Variants in OR10A4 observed in about 807,000 individuals in gnomAD.
OR10A4 encodes the protein olfactory receptor 10A4.
In OR10A4, 18 loss-of-function variants were observed where a neutral mutation model predicts 15.4. The observed-to-expected ratio is 1.17, with a 90% confidence interval of 0.81 to 1.74. The LOEUF is 1.74. OR10A4 is among the 40% of genes most tolerant of loss of function. The pLI is 0.00. For missense variants in OR10A4, 455 were observed against 372.3 expected (o/e 1.22, Z -1.83); for synonymous variants, 161 against 149.5 (o/e 1.08, Z -0.56).
Position 6,877,267 on chromosome 11 carries a change from T to C in OR10A4, c.620T>C (p.Phe207Ser), listed in dbSNP as rs892978786. 1 of 1,614,200 alleles carries C rather than the reference T, an allele frequency of 6.2e-7. No homozygotes were observed. Among genetic ancestry groups the C allele is most frequent in the Non-Finnish European group, 8.5e-7 (1 of 1,180,042 alleles). ...ELEALTATVL[F>S]ILFPFLLILG... ...GAGGCTCTGACAGCCACTGTCCTAT[T>C]CATTCTCTTTCCTTTCTTGCTGATC... Residue 207 changes from phenylalanine (F) to serine (S), a missense_variant, in exon 1 of 1, where the codon TTC (phenylalanine) becomes TCC (serine). Physicochemically the swap from Phe to Ser is radical, Grantham distance 155 (BLOSUM62 -2). Coordinates refer to ENST00000379829, the MANE Select transcript of OR10A4 (RefSeq NM_207186.2).
In OR10A4 at chr11:6,876,923, C is replaced by A. The variant is rs1848492053; in HGVS notation, c.276C>A (p.Thr92=). Residue 92 remains threonine, a synonymous_variant, in exon 1 of 1, where the codon ACC becomes ACA. Transcript: ENST00000379829. The stretch of plus-strand genomic sequence containing the variant: ...GGACCCTGATCATTCAAGACACAAC[C>A]ATCTCCTTCCTTGGATGTGCCACTC... ...MLGTLIIQDT[T]ISFLGCATQM... 6.2e-7 allele frequency: 1 copy of A among 1,614,086 alleles called. No homozygotes were observed. Among genetic ancestry groups the A allele is most frequent in the African/African-American group, 1.3e-5 (1 of 74,924 alleles).
rs79248635 is a variant in OR10A4, at chr11:6,877,134, T to G, written c.487T>G (p.Trp163Gly). The change falls in exon 1 of 1, where the codon TGG becomes GGG. Residue 163 changes from tryptophan (W) to glycine (G), a missense_variant. Trp to Gly is a radical substitution (Grantham distance 184). Transcript: ENST00000379829. ...GFSVATVQTTWIFSFPFCGPN... is the reference protein window; with the variant it reads ...GFSVATVQTTGIFSFPFCGPN... ...TTCAGTGGCCACTGTGCAAACCACA[T>G]GGATTTTCAGTTTCCCTTTTTGTGG... 3.1e-6 allele frequency: 5 copies of G among 1,614,090 alleles called. No homozygotes were observed. In the African/African-American group the frequency reaches 6.7e-5, roughly 22 times the overall value.
rs772973039 is a variant in OR10A4, at chr11:6,877,557, CG to C, written c.912del (p.Ile306SerfsTer?). On this transcript the variant is annotated frameshift_variant, in exon 1 of 1. Coordinates refer to ENST00000379829, the MANE Select transcript of OR10A4 (RefSeq NM_207186.2). LOFTEE classifies it high-confidence loss of function. ...TAAAGAAGTGAAGGCTGCACTGAAG[CG>C]GCTTATCCACAGGACCCTGGGCTCT... ...RNKEVKAALK[R>X]LIHRTLGSQK... 1.5e-5 allele frequency: 25 copies of C among 1,613,896 alleles called. No homozygotes were observed. Among genetic ancestry groups the C allele is most frequent in the Non-Finnish European group, 1.9e-5 (23 of 1,179,874 alleles).
Position 6,876,918 on chromosome 11 carries a change from A to C in OR10A4, c.271A>C (p.Thr91Pro). 6.2e-7 allele frequency: 1 copy of C among 1,614,216 alleles called. No individual in the cohort carries two copies. Among genetic ancestry groups the C allele is most frequent in the Non-Finnish European group, 8.5e-7 (1 of 1,180,042 alleles). Residue 91 changes from threonine (T) to proline (P), a missense_variant, in exon 1 of 1, where the codon ACA becomes CCA. Physicochemically the swap from Thr to Pro is conservative, Grantham distance 38 (BLOSUM62 -1). Transcript: ENST00000379829. ...GCTGGGGACCCTGATCATTCAAGAC[A>C]CAACCATCTCCTTCCTTGGATGTGC... Reference protein sequence around the residue: ...KMLGTLIIQDTTISFLGCATQ... With the variant: ...KMLGTLIIQDPTISFLGCATQ...
At position 6,877,364 on chromosome 11, in the gene OR10A4, C is replaced by A. The variant is rs1325535714; in HGVS notation, c.717C>A (p.Phe239Leu). The A allele has an allele frequency of 6.2e-7, 1 of 1,614,158 alleles. No homozygotes were observed. The highest frequency in any genetic ancestry group is 1.1e-5 in the South Asian group (1 of 91,080). ...MPSAEGKHQA[F>L]STCSAHLLVV... The stretch of plus-strand genomic sequence containing the variant: ...CAGCTGAGGGGAAACATCAGGCATT[C>A]TCCACCTGTTCCGCCCACCTCTTGG... The change falls in exon 1 of 1, where the codon TTC becomes TTA. Residue 239 changes from phenylalanine (F) to leucine (L), a missense_variant. Coordinates refer to ENST00000379829, the MANE Select transcript of OR10A4 (RefSeq NM_207186.2).
Position 6,877,607 on chromosome 11 carries a change from G to A in OR10A4, c.*12G>A, listed in dbSNP as rs1392840662. 5 of 1,540,034 alleles carry A rather than the reference G, an allele frequency of 3.2e-6. No homozygotes were observed. The African/African-American group carries it at 4.1e-5, about 13-fold the overall frequency. ...CTCAGAAACTATGATTGGCTTAGATGGAAACTGAAGGGGTAAAATGTAAGT... is the reference window on the plus strand; with the variant it reads ...CTCAGAAACTATGATTGGCTTAGATAGAAACTGAAGGGGTAAAATGTAAGT... On this transcript the variant is annotated 3_prime_UTR_variant, in exon 1 of 1. Transcript: ENST00000379829.
In OR10A4 at chr11:6,877,417, T is replaced by C. The variant is rs1440394664; in HGVS notation, c.770T>C (p.Ile257Thr). The stretch of plus-strand genomic sequence containing the variant: ...GTCTCTCTCTTCTATAGCACTGCCA[T>C]CCTCACGTATTTCCGACCCCAATCC... The part of the protein sequence containing the change: ...LVVSLFYSTA[I>T]LTYFRPQSSA... Residue 257 changes from isoleucine to threonine, a missense_variant, in exon 1 of 1, where the codon ATC (isoleucine) becomes ACC (threonine). Ile to Thr is a moderately conservative substitution (Grantham distance 89, BLOSUM62 -1). Coordinates refer to ENST00000379829, the MANE Select transcript of OR10A4 (RefSeq NM_207186.2). 5.0e-6 allele frequency: 8 copies of C among 1,613,988 alleles called. No individual in the cohort carries two copies. Among genetic ancestry groups the C allele is most frequent in the Non-Finnish European group, 5.9e-6 (7 of 1,180,014 alleles).
Position 6,877,217 on chromosome 11 carries a change from T to C in OR10A4, c.570T>C (p.Cys190=), listed in dbSNP as rs774827144. The change falls in exon 1 of 1, where the codon TGT becomes TGC. Residue 190 remains cysteine, a synonymous_variant. Coordinates refer to ENST00000379829, the MANE Select transcript of OR10A4 (RefSeq NM_207186.2). ...CDSPPVIALV[C]ADTSVFELEA... Reference sequence around the variant, plus strand: ...GCCCTCCTGTTATTGCACTGGTCTGTGCTGACACCTCTGTGTTTGAACTGG... The same window carrying C: ...GCCCTCCTGTTATTGCACTGGTCTGCGCTGACACCTCTGTGTTTGAACTGG... 1.2e-6 allele frequency: 2 copies of C among 1,614,240 alleles called. No individual in the cohort carries two copies. Among genetic ancestry groups the C allele is most frequent in the East Asian group, 2.2e-5 (1 of 44,894 alleles).
Position 6,877,478 on chromosome 11 carries a change from C to G in OR10A4, c.831C>G (p.Leu277=), listed in dbSNP as rs1848499052. The change falls in exon 1 of 1, where the codon CTC becomes CTG. Residue 277 remains leucine, a synonymous_variant. Coordinates refer to ENST00000379829, the MANE Select transcript of OR10A4 (RefSeq NM_207186.2). ...CTGAGAGCAAGAAGCTGCTGTCACT[C>G]TCTTCCACAGTGGTGACTCCCATGT... ...ASSESKKLLS[L]SSTVVTPMLN... is the part of the protein sequence containing the mutation. 1.2e-6 allele frequency: 2 copies of G among 1,613,768 alleles called. No individual in the cohort carries two copies. The highest frequency in any genetic ancestry group is 1.3e-5 in the African/African-American group (1 of 74,904).
In OR10A4 at chr11:6,877,426, A is replaced by G. The variant is rs1279785891; in HGVS notation, c.779A>G (p.Tyr260Cys). 1 of 1,613,890 alleles carries G rather than the reference A, an allele frequency of 6.2e-7. No homozygotes were observed. The highest frequency in any genetic ancestry group is 2.2e-5 in the East Asian group (1 of 44,870). ...TTCTATAGCACTGCCATCCTCACGT[A>G]TTTCCGACCCCAATCCAGTGCCTCT... ...SLFYSTAILT[Y>C]FRPQSSASSE... Residue 260 changes from tyrosine to cysteine, a missense_variant, in exon 1 of 1, where the codon TAT becomes TGT. By Grantham distance (194) the Tyr-to-Cys change is radical. Transcript: ENST00000379829.
chr11:6,877,200 G>A lies in OR10A4; in HGVS notation c.553G>A (p.Val185Ile). ...CCACTTCTTCTGTGACAGCCCTCCTGTTATTGCACTGGTCTGTGCTGACAC... is the reference window on the plus strand; with the variant it reads ...CCACTTCTTCTGTGACAGCCCTCCTATTATTGCACTGGTCTGTGCTGACAC... ...VNHFFCDSPP[V>I]IALVCADTSV... The change falls in exon 1 of 1, where the codon GTT (valine) becomes ATT (isoleucine). Residue 185 changes from valine (V) to isoleucine (I), a missense_variant. Coordinates refer to ENST00000379829, the MANE Select transcript of OR10A4 (RefSeq NM_207186.2). The A allele has an allele frequency of 6.2e-7, 1 of 1,614,228 alleles. No homozygotes were observed. The highest frequency in any genetic ancestry group is 1.3e-5 in the African/African-American group (1 of 75,052).
chr11:6,876,945 A>C lies in OR10A4; in HGVS notation c.298A>C (p.Thr100Pro), dbSNP rs1453582272. 8 of 1,614,030 alleles carry C rather than the reference A, an allele frequency of 5.0e-6. No homozygotes were observed. Among genetic ancestry groups the C allele is most frequent in the Non-Finnish European group, 6.8e-6 (8 of 1,180,024 alleles). The change falls in exon 1 of 1, where the codon ACT becomes CCT. Residue 100 changes from threonine (T) to proline (P), a missense_variant. Transcript: ENST00000379829. The stretch of plus-strand genomic sequence containing the variant: ...AACCATCTCCTTCCTTGGATGTGCC[A>C]CTCAGATGTATTTCTTCTTCTTTTT... ...DTTISFLGCA[T>P]QMYFFFFFGA...
At position 6,877,575 on chromosome 11, in the gene OR10A4, C is replaced by G. The variant is rs1323866939; in HGVS notation, c.928C>G (p.Leu310Val). 2 of 1,607,982 alleles carry G rather than the reference C, an allele frequency of 1.2e-6. No homozygotes were observed. The highest frequency in any genetic ancestry group is 2.7e-5 in the African/African-American group (2 of 74,708). ...AALKRLIHRT[L>V]GSQKL ...ACTGAAGCGGCTTATCCACAGGACCCTGGGCTCTCAGAAACTATGATTGGC... is the reference window on the plus strand; with the variant it reads ...ACTGAAGCGGCTTATCCACAGGACCGTGGGCTCTCAGAAACTATGATTGGC... Residue 310 changes from leucine (L) to valine (V), a missense_variant, in exon 1 of 1, where the codon CTG (leucine) becomes GTG (valine). By Grantham distance (32) the Leu-to-Val change is conservative (BLOSUM62 1). Coordinates refer to ENST00000379829, the MANE Select transcript of OR10A4 (RefSeq NM_207186.2).
rs547489107 is a variant in OR10A4, at chr11:6,877,015, G to A, written c.368G>A (p.Arg123His). The A allele has an allele frequency of 3.5e-5, 57 of 1,614,132 alleles. No individual in the cohort carries two copies. Among genetic ancestry groups the A allele is most frequent in the East Asian group, 2.2e-4 (10 of 44,882 alleles). Residue 123 changes from arginine (R) to histidine (H), a missense_variant, in exon 1 of 1, where the codon CGC (arginine) becomes CAC (histidine). By Grantham distance (29) the Arg-to-His change is conservative (BLOSUM62 0). Coordinates refer to ENST00000379829, the MANE Select transcript of OR10A4 (RefSeq NM_207186.2). ...CCLLATMAYD[R>H]YVAICDPLHY... ...CTCCTGGCCACCATGGCATATGACC[G>A]CTACGTGGCCATCTGTGACCCCTTG...
At position 6,877,238 on chromosome 11, in the gene OR10A4, A is replaced by C; in HGVS notation, c.591A>C (p.Glu197Asp). The C allele has an allele frequency of 6.2e-7, 1 of 1,614,108 alleles. No homozygotes were observed. Among genetic ancestry groups the C allele is most frequent in the Non-Finnish European group, 8.5e-7 (1 of 1,180,016 alleles). ...TCTGTGCTGACACCTCTGTGTTTGA[A>C]CTGGAGGCTCTGACAGCCACTGTCC... ...ALVCADTSVF[E>D]LEALTATVLF... The change falls in exon 1 of 1, where the codon GAA (glutamate) becomes GAC (aspartate). Residue 197 changes from glutamate (E) to aspartate (D), a missense_variant. By Grantham distance (45) the Glu-to-Asp change is conservative. Coordinates refer to ENST00000379829, the MANE Select transcript of OR10A4 (RefSeq NM_207186.2).
chr11:6,877,408 G>A lies in OR10A4; in HGVS notation c.761G>A (p.Ser254Asn), dbSNP rs1848498168. 3 of 1,614,066 alleles carry A rather than the reference G, an allele frequency of 1.9e-6. No homozygotes were observed. Among genetic ancestry groups the A allele is most frequent in the Non-Finnish European group, 2.5e-6 (3 of 1,180,018 alleles). ...AHLLVVSLFYSTAILTYFRPQ... is the reference protein window; with the variant it reads ...AHLLVVSLFYNTAILTYFRPQ... ...CTCTTGGTTGTCTCTCTCTTCTATA[G>A]CACTGCCATCCTCACGTATTTCCGA... The change falls in exon 1 of 1, where the codon AGC becomes AAC. Residue 254 changes from serine to asparagine, a missense_variant. Transcript: ENST00000379829.
Position 6,876,715 on chromosome 11 carries a change from A to G in OR10A4, c.68A>G (p.Glu23Gly), listed in dbSNP as rs1280634796. The G allele has an allele frequency of 6.2e-7, 1 of 1,614,144 alleles. No individual in the cohort carries two copies. Among genetic ancestry groups the G allele is most frequent in the Non-Finnish European group, 8.5e-7 (1 of 1,180,006 alleles). ...GTGAGCTTCTCAGCCCTGTCCACTG[A>G]GCTTCAGGCTCTACTGTTTCTCCTT... ...VLVSFSALST[E>G]LQALLFLLFL... Residue 23 changes from glutamate to glycine, a missense_variant, in exon 1 of 1, where the codon GAG becomes GGG. By Grantham distance (98) the Glu-to-Gly change is moderately conservative (BLOSUM62 -2). Coordinates refer to ENST00000379829, the MANE Select transcript of OR10A4 (RefSeq NM_207186.2).
rs1408261672 is a variant in OR10A4 at position 6,876,734 on chromosome 11, T to C, written c.87T>C (p.Phe29=). 4.3e-6 allele frequency: 7 copies of C among 1,614,008 alleles called. No individual in the cohort carries two copies. Among genetic ancestry groups the C allele is most frequent in the Non-Finnish European group, 5.9e-6 (7 of 1,179,976 alleles). Residue 29 remains phenylalanine (F), a synonymous_variant, in exon 1 of 1, where the codon TTT becomes TTC. Coordinates refer to ENST00000379829, the MANE Select transcript of OR10A4 (RefSeq NM_207186.2). ...ALSTELQALL[F]LLFLTIYLVT... ...CCACTGAGCTTCAGGCTCTACTGTT[T>C]CTCCTTTTCTTGACCATTTACTTGG...
Position 6,876,924 on chromosome 11 carries a change from A to T in OR10A4, c.277A>T (p.Ile93Phe). 1 of 1,614,176 alleles carries T rather than the reference A, an allele frequency of 6.2e-7. No individual in the cohort carries two copies. The highest frequency in any genetic ancestry group is 8.5e-7 in the Non-Finnish European group (1 of 1,180,030). The change falls in exon 1 of 1, where the codon ATC becomes TTC. Residue 93 changes from isoleucine (I) to phenylalanine (F), a missense_variant. Transcript: ENST00000379829. The part of the protein sequence containing the change: ...LGTLIIQDTT[I>F]SFLGCATQMY... ...GACCCTGATCATTCAAGACACAACCATCTCCTTCCTTGGATGTGCCACTCA... is the reference window on the plus strand; with the variant it reads ...GACCCTGATCATTCAAGACACAACCTTCTCCTTCCTTGGATGTGCCACTCA...
Sources: allele counts gnomAD v4.1 joint callset, GRCh38; gene constraint gnomAD v4.1.1; transcripts MANE v1.5; gene names NCBI Gene and HGNC (gene_info 2026-07-23, HGNC 2026-07-21).